Variants in TNS1 observed in about 807,000 individuals in gnomAD.
The protein encoded by TNS1 is tensin 1.
A neutral mutation model predicts 168.6 loss-of-function variants in TNS1; 62 were observed. The ratio of observed to expected loss-of-function variants is 0.37; its 90% CI spans 0.30 to 0.45. The LOEUF is 0.45. Among genes scored for constraint, TNS1 ranks in the 20% least tolerant of loss-of-function variants. The pLI is 1.00. For synonymous variants in TNS1, 934 were observed against 933.2 expected, an observed-to-expected ratio of 1.00 and a Z score of -0.02; for missense variants, 2,240 against 2,339.4, an observed-to-expected ratio of 0.96 and a Z score of 0.88.
chr2:217,822,687 AG>A (rs1943053265), intron 22 of TNS1, among the ~76,000 whole-genome samples: 1 of 152,136 alleles, frequency 6.6e-6, no homozygotes, highest in Admixed American at 6.5e-5. Context: ...ACAGCCTAAG[AG>A]GGGGTGGGGG....
intron 3 of TNS1, among the ~76,000 whole-genome samples, chr2:217,959,355 C>A (rs572428061): frequency 6.6e-6 from 1 of 151,736 alleles, no homozygotes; most frequent in Non-Finnish European, 1.5e-5. Flanking sequence ...TAGCATGGAA[C>A]CTTAGCATGG....
At position 217,948,899 on chromosome 2, in the gene TNS1, A is replaced by G. The variant is rs1349604337; in HGVS notation, c.187-28663T>C. ...TTTGCTGCACATCCCCACCTCGGGAAGGAGAAGTGCTGGGCTTTCCACATT... is the reference window on the plus strand; with the variant it reads ...TTTGCTGCACATCCCCACCTCGGGAGGGAGAAGTGCTGGGCTTTCCACATT... On this transcript the variant is annotated intron_variant, in intron 3 of 32. Coordinates refer to ENST00000682258, the MANE Select transcript of TNS1 (RefSeq NM_001387777.1). This position sits in a 1 kb window ranked among gnomAD's most constrained non-coding sequence, Gnocchi z 4.1. Among the ~76,000 whole-genome samples, 1 of 134,424 alleles carries G rather than the reference A, an allele frequency of 7.4e-6. No homozygotes were observed. Among genetic ancestry groups the G allele is most frequent in the Admixed American group, 7.0e-5 (1 of 14,242 alleles). The allele number at this position is 134,424 out of a possible 152,430, so 88.2% of individuals were successfully genotyped here.
intron 15 of TNS1, 65 bp downstream of exon 15, chr2:217,885,679 G>T: frequency 6.5e-7 from 1 of 1,531,862 alleles, no homozygotes; most frequent in South Asian, 1.1e-5. Flanking sequence ...AGGCAGGAAA[G>T]GAGTAAGAAA....
At chr2:217,957,993 A>G (rs1214828909) in intron 3 of TNS1, among the ~76,000 whole-genome samples, 2 of 145,366 alleles carry the variant, frequency 1.4e-5, no homozygotes, top group East Asian at 4.0e-4. Flanking sequence ...AATCTCCCAT[A>G]ATAAAGAATT....
chr2:217,885,257 C>T, intron 15 of TNS1, 93 bp from the exon 16 acceptor site: 1 of 1,543,072 alleles, frequency 6.5e-7, no homozygotes, highest in African/African-American at 1.4e-5. Context: ...GACTGAGCCC[C>T]CAAGGCTCAC....
intron 30 of TNS1, among the ~76,000 whole-genome samples, chr2:217,809,278 T>A (rs1467233546): frequency 2.4e-5 from 2 of 82,838 alleles, no homozygotes; most frequent in Non-Finnish European, 4.8e-5. Context: ...GATGGATGGA[T>A]GCATGGATGG....
chr2:217,852,107 T>C (rs1480402129), intron 18 of TNS1, among the ~76,000 whole-genome samples: 1 of 152,062 alleles, frequency 6.6e-6, no homozygotes, highest in Admixed American at 6.5e-5. Flanking sequence ...ATCGCACCAT[T>C]GCACTCCAGC....
intron 7 of TNS1, among the ~76,000 whole-genome samples, chr2:217,898,834 C>T (rs1306715386): frequency 6.6e-6 from 1 of 152,202 alleles, no homozygotes; most frequent in Non-Finnish European, 1.5e-5. Flanking sequence ...TTACATCTCT[C>T]CCAACTTTTC....
chr2:217,997,969 C>T (rs2105969737), intron 1 of TNS1, among the ~76,000 whole-genome samples: 1 of 152,324 alleles, frequency 6.6e-6, no homozygotes, highest in South Asian at 2.1e-4. Context: ...AAATTATACC[C>T]CATTCCCATG....
intron 23 of TNS1, among the ~76,000 whole-genome samples, chr2:217,819,874 C>G (rs1942539104): frequency 6.6e-6 from 1 of 152,306 alleles, no homozygotes; most frequent in East Asian, 1.9e-4. Flanking sequence ...TGGGCCAAAA[C>G]CTGGAGCTGC....
chr2:217,977,551 G>C (rs1275074244), intron 3 of TNS1, among the ~76,000 whole-genome samples: 1 of 152,234 alleles, frequency 6.6e-6, no homozygotes, highest in Non-Finnish European at 1.5e-5. Context: ...TAAGCTCCCA[G>C]TAGCTGAGCA....
intron 18 of TNS1, among the ~76,000 whole-genome samples, chr2:217,860,036 C>G (rs1948637038): frequency 6.6e-6 from 1 of 152,168 alleles, no homozygotes; most frequent in Non-Finnish European, 1.5e-5. Context: ...CAGAGGGCCC[C>G]AGTTAGTTTG....
rs1958903491 is a variant in TNS1, at chr2:218,032,029, C to T, written c.156+1791G>A. Among the ~76,000 whole-genome samples the T allele has an allele frequency of 1.3e-5, 2 of 152,238 alleles. No individual in the cohort carries two copies. Among genetic ancestry groups the T allele is most frequent in the South Asian group, 4.1e-4 (2 of 4,838 alleles). The stretch of plus-strand genomic sequence containing the variant: ...GAGATGCCCGCCAGGCCCCTTGGCA[C>T]CCAGAAGGCTTGGCTGGAGGACTCA... On this transcript the variant is annotated intron_variant, in intron 1 of 1. Transcript: ENST00000649572. This position sits in a 1 kb window ranked among gnomAD's most constrained non-coding sequence, Gnocchi z 4.0.
rs1366598654 is a variant in TNS1, at chr2:218,032,300, G to A, written c.156+1520C>T. Among the ~76,000 whole-genome samples the A allele has an allele frequency of 6.6e-6, 1 of 152,172 alleles. No individual in the cohort carries two copies. The highest frequency in any genetic ancestry group is 1.5e-5 in the Non-Finnish European group (1 of 68,034). On this transcript the variant is annotated intron_variant, in intron 1 of 1. Transcript: ENST00000649572. The surrounding 1 kb of genome is among the most constrained non-coding windows in gnomAD (Gnocchi z 4.0). ...GGGGAGAAAGAGGAGTGGGCAATGGGGCCTGGGGGACAAGGCAGTCCAGGA... is the reference window on the plus strand; with the variant it reads ...GGGGAGAAAGAGGAGTGGGCAATGGAGCCTGGGGGACAAGGCAGTCCAGGA...
In TNS1 at chr2:217,848,504, C is replaced by T. The variant is rs1052573884; in HGVS notation, c.2013G>A (p.Lys671=). The T allele has an allele frequency of 6.2e-7, 1 of 1,613,544 alleles. No individual in the cohort carries two copies. The highest frequency in any genetic ancestry group is 2.2e-5 in the East Asian group (1 of 44,856). Residue 671 remains lysine (K), a synonymous_variant, in exon 19 of 33, where the codon AAG becomes AAA. Transcript: ENST00000682258. Reference sequence around the variant, plus strand: ...TGACCATAGGCTCCATGGGGTAGGACTTGTCCAGACCGTTGGTCAGTGGGG... The same window carrying T: ...TGACCATAGGCTCCATGGGGTAGGATTTGTCCAGACCGTTGGTCAGTGGGG... The part of the protein sequence containing the change: ...ALSPLTNGLD[K]SYPMEPMVNG...
chr2:217,882,439 T>A, intron 16 of TNS1, 28 bp from the exon 17 acceptor site: 1 of 1,551,578 alleles, frequency 6.4e-7, no homozygotes, highest in African/African-American at 1.4e-5. Flanking sequence ...AAAATAAAAA[T>A]AGGCAAAAAG....
At chr2:217,896,963 GT>G (rs571307952) in intron 8 of TNS1, among the ~76,000 whole-genome samples, 22 of 152,210 alleles carry the variant, frequency 1.4e-4, no homozygotes, top group African/African-American at 5.1e-4. Context: ...TTACTGTTGG[GT>G]TTTTTCTGAA....
chr2:217,979,331 C>T (rs1211626135), intron 2 of TNS1, among the ~76,000 whole-genome samples: 1 of 152,038 alleles, frequency 6.6e-6, no homozygotes, highest in Admixed American at 6.5e-5. Flanking sequence ...AGAACCACTC[C>T]CACCCATCCA....
chr2:217,845,785 G>A (rs1047946304), intron 19 of TNS1, among the ~76,000 whole-genome samples: 1 of 152,224 alleles, frequency 6.6e-6, no homozygotes, highest in Non-Finnish European at 1.5e-5. Flanking sequence ...AGGGCCATTA[G>A]GGTTATGGCC....
Sources: gnomAD v4.1 joint callset for allele counts (sites outside exome capture counted in the v4.1 genomes callset) on GRCh38, gnomAD v4.1.1 for gene constraint, Gnocchi (gnomAD v3.1) non-coding constraint, MANE v1.5 for transcripts, NCBI Gene and HGNC (gene_info 2026-07-23, HGNC 2026-07-21) for gene names.